RBCK1: variants seen among roughly 807,000 people sequenced by gnomAD.
RBCK1 encodes the protein ranBP-type and C3HC4-type zinc finger-containing protein 1.
In RBCK1, 44 loss-of-function variants were observed where a neutral mutation model predicts 71.1. The ratio of observed to expected loss-of-function variants is 0.62; its 90% CI spans 0.49 to 0.80. RBCK1 has a LOEUF of 0.80. Among genes scored for constraint, RBCK1 ranks in the 30% least tolerant of loss-of-function variants. The pLI is 0.00. For missense variants in RBCK1, 569 were observed against 685.0 expected (o/e 0.83, Z 1.89); for synonymous variants, 306 against 279.7 (o/e 1.09, Z -0.94).
chr20:420,944 C>T lies in RBCK1; in HGVS notation c.830C>T (p.Thr277Met), dbSNP rs1025330867. The T allele has an allele frequency of 9.6e-6, 15 of 1,555,096 alleles. No homozygotes were observed. The highest frequency in any genetic ancestry group is 4.8e-5 in the East Asian group (2 of 41,550). ...QLDQRSLVLN[T>M]EPAECPVCYS... ...GACCAGAGGAGCCTGGTGCTGAACA[C>T]GGAGCCCGCCGAGTGCCCCGTGTGC... Residue 277 changes from threonine (T) to methionine (M), a missense_variant, in exon 7 of 12, where the codon ACG (threonine) becomes ATG (methionine). Physicochemically the swap from Thr to Met is moderately conservative, Grantham distance 81. This residue lies in a region of RBCK1 where 358 missense variants were observed against 375.6 expected (regional missense o/e 0.95). Coordinates refer to ENST00000356286, the MANE Select transcript of RBCK1 (RefSeq NM_031229.4).
chr20:420,146 G>A (rs182122386), intron 6 of RBCK1: 1 of 984,988 alleles, frequency 1.0e-6, no homozygotes, highest in Non-Finnish European at 1.2e-6. Flanking sequence ...ACCTCGCCGT[G>A]ACCTCACCCT....
chr20:430,662 CAT>C lies in RBCK1; in HGVS notation c.*234_*235del. On this transcript the variant is annotated 3_prime_UTR_variant, in exon 12 of 12. Coordinates refer to ENST00000356286, the MANE Select transcript of RBCK1 (RefSeq NM_031229.4). The surrounding 1 kb of genome is among the most constrained non-coding windows in gnomAD (Gnocchi z 5.6). ...ACCTCTGCCTGACCCCAGCCTTAAA[CAT>C]AGCCCCTGGCCAGAGGCCTTGCTGG... The C allele has an allele frequency of 1.7e-6, 1 of 578,606 alleles. No individual in the cohort carries two copies. The highest frequency in any genetic ancestry group is 3.1e-6 in the Non-Finnish European group (1 of 323,188). The allele number at this position is 578,606 out of a possible 1,614,324, so 35.8% of individuals were successfully genotyped here.
chr20:429,561 C>T (rs1213981704), intron 11 of RBCK1, among the ~76,000 whole-genome samples: 2 of 152,170 alleles, frequency 1.3e-5, no homozygotes, highest in African/African-American at 4.8e-5. Context: ...TGAAAAAATA[C>T]CAGAAGATGA....
At chr20:415,988 A>G (rs1424617062) in intron 2 of RBCK1, among the ~76,000 whole-genome samples, 4 of 152,186 alleles carry the variant, frequency 2.6e-5, no homozygotes, top group Admixed American at 6.5e-5. Flanking sequence ...AGCTGCCCCT[A>G]TGACCCAAAC....
In RBCK1 at chr20:417,287, G is replaced by T; in HGVS notation, c.168-239G>T. On this transcript the variant is annotated intron_variant, in intron 2 of 11. Coordinates refer to ENST00000356286, the MANE Select transcript of RBCK1 (RefSeq NM_031229.4). The surrounding 1 kb of genome is among the most constrained non-coding windows in gnomAD (Gnocchi z 4.7). ...GGTGCCAGATCATGGAGGCCCTCGT[G>T]TGCTGCCACGAGTTGATTCTAAGAG... 1.4e-6 allele frequency: 1 copy of T among 697,976 alleles called. No individual in the cohort carries two copies. Among genetic ancestry groups the T allele is most frequent in the Non-Finnish European group, 2.7e-6 (1 of 368,752 alleles). The allele number at this position is 697,976 out of a possible 1,614,324, so 43.2% of individuals were successfully genotyped here. A position where few individuals can be genotyped will look rare whatever the true frequency, so the allele number is the denominator to read the frequency against.
rs535986559 is a variant in RBCK1 at position 431,220 on chromosome 20, A to C, written c.*790A>C. The stretch of plus-strand genomic sequence containing the variant: ...AGTGTGCAGTGTGTCAAGTCTGCAG[A>C]GAAGGATGGGCTTAGGGGCGGGAGG... On this transcript the variant is annotated 3_prime_UTR_variant, in exon 12 of 12. Coordinates refer to ENST00000356286, the MANE Select transcript of RBCK1 (RefSeq NM_031229.4). This position sits in a 1 kb window ranked among gnomAD's most constrained non-coding sequence, Gnocchi z 4.8. 2.0e-5 allele frequency among the ~76,000 whole-genome samples: 3 copies of C among 152,240 alleles called. No homozygotes were observed. The highest frequency in any genetic ancestry group is 7.2e-5 in the African/African-American group (3 of 41,546).
Position 427,303 on chromosome 20 carries a change from G to A in RBCK1, c.1030-10G>A. The stretch of plus-strand genomic sequence containing the variant: ...GAATCCTGAGCAGCAAGGACATGGT[G>A]TGTTGGCAGCTCCTGACCCCTGAGG... On this transcript the variant is annotated splice_polypyrimidine_tract_variant and intron_variant, in intron 8 of 11. Coordinates refer to ENST00000356286, the MANE Select transcript of RBCK1 (RefSeq NM_031229.4). The A allele has an allele frequency of 6.2e-7, 1 of 1,613,500 alleles. No individual in the cohort carries two copies.
intron 8 of RBCK1, among the ~76,000 whole-genome samples, chr20:426,367 C>T (rs1461125160): frequency 6.6e-6 from 1 of 152,198 alleles, no homozygotes; most frequent in Admixed American, 6.5e-5. Flanking sequence ...CCTTTGCAGC[C>T]TCTGGTAAGC....
In RBCK1 at chr20:427,445, G is replaced by A; in HGVS notation, c.1162G>A (p.Glu388Lys). The change falls in exon 9 of 12, where the codon GAG becomes AAG. Residue 388 changes from glutamate to lysine, a missense_variant. Around this residue, in one of 2 missense-constraint regions of RBCK1, gnomAD observed 211 missense variants for 309.4 expected, o/e 0.68. Coordinates refer to ENST00000356286, the MANE Select transcript of RBCK1 (RefSeq NM_031229.4). Reference sequence around the variant, plus strand: ...GTGCTTCTTTGAGGATGATGTCAATGAGTTCACCTGCCCTGTGTGTTTCCA... The same window carrying A: ...GTGCTTCTTTGAGGATGATGTCAATAAGTTCACCTGCCCTGTGTGTTTCCA... ...GWCFFEDDVN[E>K]FTCPVCFHVN... 2.5e-6 allele frequency: 4 copies of A among 1,614,104 alleles called. No homozygotes were observed. The highest frequency in any genetic ancestry group is 1.1e-5 in the South Asian group (1 of 91,076).
Position 428,720 on chromosome 20 carries a change from C to A in RBCK1, c.1308+131C>A. On this transcript the variant is annotated intron_variant, in intron 10 of 11. Transcript: ENST00000356286. The surrounding 1 kb of genome is among the most constrained non-coding windows in gnomAD (Gnocchi z 5.7). ...TGACCTCCCTTCTGGCTGTCACTCC[C>A]ATCCGGAGGTGGGACTTAGGCCGAA... The A allele has an allele frequency of 7.3e-7, 1 of 1,366,666 alleles. No homozygotes were observed. Among genetic ancestry groups the A allele is most frequent in the South Asian group, 1.5e-5 (1 of 65,486 alleles). 84.7% of individuals were successfully genotyped at this position (1,366,666 alleles called of 1,614,324 possible). A position where few individuals can be genotyped will look rare whatever the true frequency, so the allele number is the denominator to read the frequency against.
At chr20:416,370 C>T (rs2015994624) in intron 2 of RBCK1, among the ~76,000 whole-genome samples, 1 of 151,950 alleles carries the variant, frequency 6.6e-6, no homozygotes, top group African/African-American at 2.4e-5. Context: ...CCGTGTTAGC[C>T]AGGATGGTCT....
At chr20:419,500 T>G (rs757419664) in intron 5 of RBCK1, 32 bp downstream of exon 5, 2 of 1,603,874 alleles carry the variant, frequency 1.2e-6, no homozygotes, top group Middle Eastern at 1.7e-4. Context: ...TATCCTCTTC[T>G]GTGCCCCTCC....
In RBCK1 at chr20:422,994, T is replaced by C. The variant is rs1032112533; in HGVS notation, c.1029+756T>C. 2.0e-5 allele frequency among the ~76,000 whole-genome samples: 3 copies of C among 152,134 alleles called. No individual in the cohort carries two copies. Among genetic ancestry groups the C allele is most frequent in the Non-Finnish European group, 4.4e-5 (3 of 68,016 alleles). ...ATTGCAAAGATTACAGTAGAGGATATGTGTATAGAATTCATAGTAGTACAT... is the reference window on the plus strand; with the variant it reads ...ATTGCAAAGATTACAGTAGAGGATACGTGTATAGAATTCATAGTAGTACAT... On this transcript the variant is annotated intron_variant, in intron 8 of 11. Coordinates refer to ENST00000356286, the MANE Select transcript of RBCK1 (RefSeq NM_031229.4). The surrounding 1 kb of genome is among the most constrained non-coding windows in gnomAD (Gnocchi z 5.0).
At position 426,746 on chromosome 20, in the gene RBCK1, C is replaced by T. The variant is rs11697821; in HGVS notation, c.1030-567C>T. 7.5e-4 allele frequency among the ~76,000 whole-genome samples: 114 copies of T among 151,758 alleles called. 1 individual carries two copies. Among genetic ancestry groups the T allele is most frequent in the Non-Finnish European group, 1.5e-3 (104 of 67,960 alleles). On this transcript the variant is annotated intron_variant, in intron 8 of 11. Coordinates refer to ENST00000356286, the MANE Select transcript of RBCK1 (RefSeq NM_031229.4). The stretch of plus-strand genomic sequence containing the variant: ...CATTCACACTGTTGTGCAACCATCA[C>T]CACCATCCACCTCCAGAACTTTTAG...
Position 428,293 on chromosome 20 carries a change from G to GTGA in RBCK1, c.1210-194_1210-192dup, listed in dbSNP as rs2016839307. Among the ~76,000 whole-genome samples, 1 of 152,214 alleles carries GTGA rather than the reference G, an allele frequency of 6.6e-6. No homozygotes were observed. The highest frequency in any genetic ancestry group is 1.5e-5 in the Non-Finnish European group (1 of 68,032). ...GAGGTATATTTTGCTGTTAGCATAT[G>GTGA]TGATGACCTTGACTTCACCTCCCTG... On this transcript the variant is annotated intron_variant, in intron 9 of 11. Coordinates refer to ENST00000356286, the MANE Select transcript of RBCK1 (RefSeq NM_031229.4). This position sits in a 1 kb window ranked among gnomAD's most constrained non-coding sequence, Gnocchi z 5.7.
At chr20:410,091 A>G (rs2015615238) in intron 2 of RBCK1, 66 bp downstream of exon 2, 2 of 1,528,412 alleles carry the variant, frequency 1.3e-6, no homozygotes, top group Middle Eastern at 3.6e-4. Flanking sequence ...CCTGTAGAAC[A>G]GTTCTTCCTA....
intron 8 of RBCK1, among the ~76,000 whole-genome samples, chr20:426,979 C>T (rs989193007): frequency 1.3e-5 from 2 of 150,916 alleles, no homozygotes; most frequent in African/African-American, 2.5e-5. Flanking sequence ...GTGTGAGCAC[C>T]ACACCTGGTT....
At chr20:410,319 T>C (rs544905735) in intron 2 of RBCK1, 3 of 703,932 alleles carry the variant, frequency 4.3e-6, no homozygotes, top group Admixed American at 2.1e-5. Context: ...GTAAACAAAT[T>C]TGATGGCAGG....
chr20:416,395 C>G (rs1054035269), intron 2 of RBCK1, among the ~76,000 whole-genome samples: 4 of 151,936 alleles, frequency 2.6e-5, no homozygotes, highest in African/African-American at 9.7e-5. Context: ...CTCCTGACCT[C>G]GTGATCCACC....
Sources: allele counts gnomAD v4.1 joint callset (sites outside exome capture counted in the v4.1 genomes callset), GRCh38; gene constraint gnomAD v4.1.1; regional missense constraint gnomAD v4.1.1; non-coding constraint Gnocchi (gnomAD v3.1); transcripts MANE v1.5; gene names NCBI Gene and HGNC (gene_info 2026-07-23, HGNC 2026-07-21).